AGO3: variants seen among roughly 807,000 people sequenced by gnomAD.
AGO3 encodes the protein argonaute RISC catalytic component 3, also known as protein argonaute-3.
In AGO3, 16 loss-of-function variants were observed where a neutral mutation model predicts 105.5. The observed-to-expected ratio is 0.15, with a 90% CI of 0.10 to 0.23. AGO3 has a LOEUF of 0.23. Ranked by LOEUF, AGO3 falls within the 10% of genes least tolerant of loss-of-function variation. The pLI, the probability that AGO3 is intolerant of heterozygous loss-of-function variation, is 1.00. For synonymous variants in AGO3, 340 were observed against 367.3 expected (o/e 0.93, Z 0.85); for missense variants, 534 against 1,088.0 (o/e 0.49, Z 7.16).
intron 11 of AGO3, among the ~76,000 whole-genome samples, chr1:36,015,158 C>A (rs1640839072): frequency 6.6e-6 from 1 of 152,136 alleles, no homozygotes. Flanking sequence ...GTTCCCATGA[C>A]CCCCTCTTCA....
intron 9 of AGO3, among the ~76,000 whole-genome samples, 187 bp downstream of exon 9, chr1:36,009,781 C>A (rs528457545): frequency 6.6e-6 from 1 of 152,088 alleles, no homozygotes; most frequent in East Asian, 1.9e-4. Flanking sequence ...AGGGTTAGGT[C>A]CTTCTCATTT....
intron 10 of AGO3, 79 bp from the exon 11 acceptor site, chr1:36,013,836 A>C: frequency 6.2e-7 from 1 of 1,600,048 alleles, no homozygotes; most frequent in Non-Finnish European, 8.5e-7. Context: ...ATTTCAATTC[A>C]GCGATTTGAA....
At chr1:36,003,632 T>G (rs1288468999) in intron 5 of AGO3, among the ~76,000 whole-genome samples, 2 of 140,584 alleles carry the variant, frequency 1.4e-5, no homozygotes, top group Non-Finnish European at 3.0e-5. Context: ...AGGCGGAGAT[T>G]ACAGTGAGCC....
chr1:36,037,168 C>T (rs1352093442), intron 14 of AGO3, among the ~76,000 whole-genome samples: 1 of 152,116 alleles, frequency 6.6e-6, no homozygotes, highest in African/African-American at 2.4e-5. Flanking sequence ...AAATAGCCAA[C>T]ATTTCGAAAA....
chr1:36,044,685 G>A (rs1448918046), intron 17 of AGO3, among the ~76,000 whole-genome samples: 1 of 151,990 alleles, frequency 6.6e-6, no homozygotes, highest in Non-Finnish European at 1.5e-5. Context: ...CAAGTAATCC[G>A]CCCACCTTGG....
rs370173342 is a variant in AGO3 at position 36,003,226 on chromosome 1, C to G, written c.659-1115C>G. On this transcript the variant is annotated intron_variant, in intron 5 of 18. Coordinates refer to ENST00000373191, the MANE Select transcript of AGO3 (RefSeq NM_024852.4). Reference sequence around the variant, plus strand: ...TTTACTTTTTGTTGTATCCCCAGTGCCTATATAACACATAATAGCCATTAA... The same window carrying G: ...TTTACTTTTTGTTGTATCCCCAGTGGCTATATAACACATAATAGCCATTAA... Among the ~76,000 whole-genome samples the G allele has an allele frequency of 2.9e-4, 44 of 151,320 alleles. No individual in the cohort carries two copies. The East Asian group carries it at 4.5e-3, about 15-fold the overall frequency.
Position 36,061,518 on chromosome 1 carries a change from A to T in AGO3, c.*5773A>T, listed in dbSNP as rs1366625363. ...TAAAGATAGAAGGATGGTAAATTCA[A>T]TATAGAGGGTTGAGATTTACCAGTG... On this transcript the variant is annotated 3_prime_UTR_variant, in exon 19 of 19. Transcript: ENST00000373191. 1.3e-5 allele frequency: 2 copies of T among 152,216 alleles called. No homozygotes were observed. Among genetic ancestry groups the T allele is most frequent in the African/African-American group, 4.8e-5 (2 of 41,460 alleles). 9.4% of individuals were successfully genotyped at this position (152,216 alleles called of 1,614,324 possible).
At chr1:35,968,874 CT>C in intron 3 of AGO3, among the ~76,000 whole-genome samples, 1 of 151,746 alleles carries the variant, frequency 6.6e-6, no homozygotes, top group East Asian at 1.9e-4. Context: ...CAAACTCTCA[CT>C]TCCATGCCAA....
intron 12 of AGO3, among the ~76,000 whole-genome samples, chr1:36,028,073 TCTCA>T (rs994584929): frequency 2.0e-5 from 3 of 152,094 alleles, no homozygotes; most frequent in Admixed American, 6.6e-5. Context: ...ATAGGATCTC[TCTCA>T]CTCTTTCAGG....
chr1:35,996,323 TAAAA>T (rs549557635), intron 5 of AGO3, among the ~76,000 whole-genome samples: 20 of 135,036 alleles, frequency 1.5e-4, no homozygotes, highest in Non-Finnish European at 2.9e-4. Flanking sequence ...CTCTGACTCT[TAAAA>T]AAAAAAAAAA....
chr1:36,062,060 C>A lies in AGO3; in HGVS notation c.*6315C>A, dbSNP rs935550393. On this transcript the variant is annotated 3_prime_UTR_variant, in exon 19 of 19. Coordinates refer to ENST00000373191, the MANE Select transcript of AGO3 (RefSeq NM_024852.4). The stretch of plus-strand genomic sequence containing the variant: ...GAAATCCATAATGCACATAAAACAG[C>A]AAACCTACTTAACTTTTTAACAAGA... 6.6e-6 allele frequency: 1 copy of A among 151,792 alleles called. No homozygotes were observed. The highest frequency in any genetic ancestry group is 2.4e-5 in the African/African-American group (1 of 41,366). The allele number at this position is 151,792 out of a possible 1,614,324, so 9.4% of individuals were successfully genotyped here. A position where few individuals can be genotyped will look rare whatever the true frequency, so the allele number is the denominator to read the frequency against.
chr1:35,944,969 A>AT (rs1321025571), intron 1 of AGO3, among the ~76,000 whole-genome samples: 3 of 151,652 alleles, frequency 2.0e-5, no homozygotes, highest in Non-Finnish European at 4.4e-5. Context: ...CACTCAGCTA[A>AT]TTTTTTGTAT....
At chr1:36,043,388 C>A (rs1642332240) in intron 16 of AGO3, 59 bp from the exon 17 acceptor site, 3 of 1,372,062 alleles carry the variant, frequency 2.2e-6, no homozygotes, top group African/African-American at 1.4e-5. Flanking sequence ...TTTTAAAGTG[C>A]TTTCAGATAT....
intron 5 of AGO3, among the ~76,000 whole-genome samples, chr1:35,998,295 A>G (rs1331036195): frequency 6.6e-6 from 1 of 152,136 alleles, no homozygotes; most frequent in Non-Finnish European, 1.5e-5. Flanking sequence ...AAATATCCAA[A>G]TATGTTGACA....
intron 11 of AGO3, among the ~76,000 whole-genome samples, chr1:36,022,697 C>G (rs1231233607): frequency 6.6e-6 from 1 of 151,872 alleles, no homozygotes; most frequent in Non-Finnish European, 1.5e-5. Context: ...TTTGGGAGGC[C>G]GAGGCGGGTG....
At chr1:35,966,370 A>G (rs1312615266) in intron 2 of AGO3, among the ~76,000 whole-genome samples, 3 of 152,156 alleles carry the variant, frequency 2.0e-5, no homozygotes, top group East Asian at 1.9e-4. Flanking sequence ...TTTTGAATAT[A>G]TAAGTATTGA....
intron 5 of AGO3, chr1:35,983,106 T>C (rs1448957947): frequency 6.5e-6 from 1 of 154,794 alleles, no homozygotes; most frequent in Non-Finnish European, 1.4e-5. Flanking sequence ...AGCCCTACTT[T>C]TAAGACCTTT....
chr1:36,027,351 G>A lies in AGO3; in HGVS notation c.1591+53G>A. 1 of 1,460,984 alleles carries A rather than the reference G, an allele frequency of 6.8e-7. No individual in the cohort carries two copies. The highest frequency in any genetic ancestry group is 9.2e-7 in the Non-Finnish European group (1 of 1,085,288). 90.5% of individuals were successfully genotyped at this position (1,460,984 alleles called of 1,614,324 possible). ...CCTCAAGTACTTGATGTCCTTTTAG[G>A]ATTATACTGAAACATATCCTAAAAC... On this transcript the variant is annotated intron_variant, in intron 12 of 18. Transcript: ENST00000373191. The surrounding 1 kb of genome is among the most constrained non-coding windows in gnomAD (Gnocchi z 4.0).
At chr1:35,936,693 A>G (rs563964673) in intron 1 of AGO3, among the ~76,000 whole-genome samples, 2 of 152,340 alleles carry the variant, frequency 1.3e-5, no homozygotes, top group Non-Finnish European at 2.9e-5. Flanking sequence ...TTGGGAAATC[A>G]GAACGTGGTA....
Sources: allele counts gnomAD v4.1 joint callset (sites outside exome capture counted in the v4.1 genomes callset), GRCh38; gene constraint gnomAD v4.1.1; non-coding constraint Gnocchi (gnomAD v3.1); transcripts MANE v1.5; gene names NCBI Gene and HGNC (gene_info 2026-07-23, HGNC 2026-07-21).